Variants in FAM184B observed in about 807,000 individuals in gnomAD.
FAM184B encodes the protein protein FAM184B.
In FAM184B, 111 loss-of-function variants were observed where a neutral mutation model predicts 135.9. That is an observed-to-expected ratio of 0.82 (90% CI 0.70 to 0.96). The LOEUF is 0.96. Among genes scored for constraint, FAM184B ranks in the 40% least tolerant of loss-of-function variants. The pLI, the probability that FAM184B is intolerant of heterozygous loss-of-function variation, is 0.00. For synonymous variants in FAM184B, 552 were observed against 524.8 expected (o/e 1.05, Z -0.71); for missense variants, 1,375 against 1,323.9 (o/e 1.04, Z -0.60).
At chr4:17,667,788 T>C (rs1716089327) in intron 7 of FAM184B, among the ~76,000 whole-genome samples, 1 of 152,270 alleles carries the variant, frequency 6.6e-6, no homozygotes, top group Admixed American at 6.5e-5. Context: ...CTTGTTATGC[T>C]TGCATGCTTG....
intron 12 of FAM184B, among the ~76,000 whole-genome samples, chr4:17,647,056 G>A (rs1329503785): frequency 1.3e-5 from 2 of 152,080 alleles, no homozygotes; most frequent in African/African-American, 4.8e-5. Context: ...CTGCATCGAG[G>A]GCCTATCTAG....
In FAM184B at chr4:17,682,484, CTTTTTA is replaced by C. The variant is rs570057456; in HGVS notation, c.1596+5934_1596+5939del. 6.3e-4 allele frequency among the ~76,000 whole-genome samples: 95 copies of C among 151,906 alleles called. 3 individuals carry two copies. The South Asian group carries it at 0.019, about 31-fold the overall frequency. Reference sequence around the variant, plus strand: ...ATCTCTCTCTCTCTCTTTTAGATTTCTTTTTATTGTTTGTTTATTTATTTATTTATT... The same window carrying C: ...ATCTCTCTCTCTCTCTTTTAGATTTCTTGTTTGTTTATTTATTTATTTATT... On this transcript the variant is annotated intron_variant, in intron 7 of 17. Transcript: ENST00000265018.
intron 1 of FAM184B, among the ~76,000 whole-genome samples, chr4:17,755,551 T>C (rs1718399635): frequency 6.6e-6 from 1 of 152,208 alleles, no homozygotes; most frequent in Non-Finnish European, 1.5e-5. Context: ...AGCAATCCCA[T>C]TAATGGGTAT....
rs372380470 is a variant in FAM184B at position 17,658,331 on chromosome 4, G to T, written c.2037+19C>A. On this transcript the variant is annotated intron_variant, in intron 10 of 17. Transcript: ENST00000265018. Reference sequence around the variant, plus strand: ...AGCAGGTGCCCGGCACAGAGTAGACGGCACAGTCATTCCCTCACCTTGAGT... The same window carrying T: ...AGCAGGTGCCCGGCACAGAGTAGACTGCACAGTCATTCCCTCACCTTGAGT... The T allele has an allele frequency of 3.2e-6, 5 of 1,550,576 alleles. No individual in the cohort carries two copies. Among genetic ancestry groups the T allele is most frequent in the Non-Finnish European group, 2.6e-6 (3 of 1,146,280 alleles).
At chr4:17,683,762 G>C (rs1716502274) in intron 7 of FAM184B, among the ~76,000 whole-genome samples, 2 of 151,990 alleles carry the variant, frequency 1.3e-5, no homozygotes, top group African/African-American at 4.8e-5. Flanking sequence ...CAATCTCTAA[G>C]CTATAAAATT....
rs1714862423 is a variant in FAM184B at position 17,629,505 on chromosome 4, TTACC to T, written c.*3023_*3026del. 1 of 152,224 alleles carries T rather than the reference TTACC, an allele frequency of 6.6e-6. No homozygotes were observed. Among genetic ancestry groups the T allele is most frequent in the Non-Finnish European group, 1.5e-5 (1 of 68,034 alleles). 9.4% of individuals were successfully genotyped at this position (152,224 alleles called of 1,614,324 possible). ...AGCCATTGACTGGGTGAATCCATTTTTACCTACCCCAATTACAAAACAGTTTGCT... is the reference window on the plus strand; with the variant it reads ...AGCCATTGACTGGGTGAATCCATTTTTACCCCAATTACAAAACAGTTTGCT... On this transcript the variant is annotated 3_prime_UTR_variant, in exon 18 of 18. Coordinates refer to ENST00000265018, the MANE Select transcript of FAM184B (RefSeq NM_015688.2).
At chr4:17,749,512 A>G (rs955174445) in intron 1 of FAM184B, among the ~76,000 whole-genome samples, 3 of 152,326 alleles carry the variant, frequency 2.0e-5, no homozygotes, top group Admixed American at 6.5e-5. Flanking sequence ...ATTAAAAACT[A>G]TCAATGGAAA....
chr4:17,741,766 C>A (rs1367397188), intron 1 of FAM184B, among the ~76,000 whole-genome samples: 1 of 152,130 alleles, frequency 6.6e-6, no homozygotes, highest in Non-Finnish European at 1.5e-5. Context: ...CCGGAGGACA[C>A]TCTCCTGGGT....
intron 8 of FAM184B, among the ~76,000 whole-genome samples, chr4:17,660,746 C>T (rs770148043): frequency 6.6e-6 from 1 of 150,420 alleles, no homozygotes; most frequent in African/African-American, 2.5e-5. Context: ...CAAGTGTGAT[C>T]GGTTTAGATT....
rs764921861 is a variant in FAM184B at position 17,693,397 on chromosome 4, A to G, written c.1393T>C (p.Leu465=). 2.2e-5 allele frequency: 34 copies of G among 1,551,546 alleles called. No individual in the cohort carries two copies. The South Asian group carries it at 2.9e-4, about 13-fold the overall frequency. ...KKLQREVEAQ[L]EEVRKKSEKE... is the part of the protein sequence containing the mutation. ...TCTGATTTCTTCCTCACTTCCTCCA[A>G]CTGTGCTTCTACTTCCTAAATGATG... Residue 465 remains leucine (L), a synonymous_variant, in exon 6 of 18, where the codon TTG becomes CTG. Coordinates refer to ENST00000265018, the MANE Select transcript of FAM184B (RefSeq NM_015688.2).
chr4:17,693,156 G>A, intron 6 of FAM184B, 146 bp downstream of exon 6: 1 of 597,840 alleles, frequency 1.7e-6, no homozygotes, highest in Non-Finnish European at 3.0e-6. Flanking sequence ...TCTGTTACTT[G>A]CAGCTAAATG....
intron 13 of FAM184B, 81 bp downstream of exon 13, chr4:17,641,975 A>G (rs1199503811): frequency 1.4e-6 from 2 of 1,391,974 alleles, no homozygotes; most frequent in Non-Finnish European, 1.9e-6. Flanking sequence ...TCTCAGGCTC[A>G]GCCAGCCGCA....
chr4:17,757,433 T>G lies in FAM184B; in HGVS notation c.141+23726A>C, dbSNP rs190368084. ...AACAATGTAAGTACTAGAAGAAAATTTGGGTTAAATATGAACACTGACCAG... is the reference window on the plus strand; with the variant it reads ...AACAATGTAAGTACTAGAAGAAAATGTGGGTTAAATATGAACACTGACCAG... On this transcript the variant is annotated intron_variant, in intron 1 of 17. Coordinates refer to ENST00000265018, the MANE Select transcript of FAM184B (RefSeq NM_015688.2). 5.3e-5 allele frequency among the ~76,000 whole-genome samples: 8 copies of G among 152,222 alleles called. No individual in the cohort carries two copies. The East Asian group carries it at 1.5e-3, about 29-fold the overall frequency.
intron 1 of FAM184B, among the ~76,000 whole-genome samples, chr4:17,769,929 A>T (rs1169193605): frequency 6.6e-6 from 1 of 152,158 alleles, no homozygotes; most frequent in Non-Finnish European, 1.5e-5. Flanking sequence ...AGATAGCCTC[A>T]GAGTGGGGCA....
At chr4:17,670,916 G>A (rs900641440) in intron 7 of FAM184B, among the ~76,000 whole-genome samples, 5 of 152,184 alleles carry the variant, frequency 3.3e-5, no homozygotes, top group Non-Finnish European at 5.9e-5. Flanking sequence ...AACTGGATGT[G>A]AGTTCAAACC....
chr4:17,711,049 C>T (rs747960876), intron 1 of FAM184B, among the ~76,000 whole-genome samples: 6 of 152,046 alleles, frequency 3.9e-5, no homozygotes, highest in Non-Finnish European at 8.8e-5. Flanking sequence ...GGGAATGACC[C>T]CATGGAGAAT....
At chr4:17,634,969 G>A in intron 16 of FAM184B, 40 bp downstream of exon 16, 2 of 1,405,118 alleles carry the variant, frequency 1.4e-6, no homozygotes, top group South Asian at 1.3e-5. Context: ...CGAAACCAAT[G>A]GAATTGTATA....
At chr4:17,702,144 T>C (rs981494564) in intron 5 of FAM184B, among the ~76,000 whole-genome samples, 1 of 152,190 alleles carries the variant, frequency 6.6e-6, no homozygotes, top group Non-Finnish European at 1.5e-5. Flanking sequence ...TATTCCTGGC[T>C]GGGTAGCTGC....
At chr4:17,700,350 G>A (rs146774851) in intron 5 of FAM184B, among the ~76,000 whole-genome samples, 170 of 152,220 alleles carry the variant, frequency 1.1e-3, no homozygotes, top group African/African-American at 3.9e-3. Flanking sequence ...TACACTAACC[G>A]TAAACATGCT....
Sources: allele counts gnomAD v4.1 joint callset (sites outside exome capture counted in the v4.1 genomes callset), GRCh38; gene constraint gnomAD v4.1.1; transcripts MANE v1.5; gene names NCBI Gene and HGNC (gene_info 2026-07-23, HGNC 2026-07-21).